The following ZBTB8A variants were observed in gnomAD, a reference collection of about 807,000 sequenced individuals.
ZBTB8A encodes zinc finger and BTB domain-containing protein 8A.
A neutral mutation model predicts 37.8 loss-of-function variants in ZBTB8A; 19 were observed. The observed-to-expected ratio is 0.50, with a 90% CI of 0.35 to 0.74. ZBTB8A has a LOEUF of 0.74. Ranked by LOEUF, ZBTB8A falls within the 30% of genes least tolerant of loss-of-function variation. The pLI is 0.01. For synonymous variants in ZBTB8A, 181 were observed against 185.2 expected (o/e 0.98, Z 0.19); for missense variants, 394 against 537.8 (o/e 0.73, Z 2.65).
intron 1 of ZBTB8A, among the ~76,000 whole-genome samples, chr1:32,545,688 TC>T (rs1157150152): frequency 1.3e-5 from 2 of 152,158 alleles, no homozygotes; most frequent in African/African-American, 2.4e-5. Context: ...ATAGCAAACT[TC>T]TTACCATCCC....
intron 1 of ZBTB8A, among the ~76,000 whole-genome samples, chr1:32,550,036 AC>A (rs1267002284): frequency 1.3e-5 from 2 of 152,174 alleles, no homozygotes; most frequent in Non-Finnish European, 2.9e-5. Flanking sequence ...TGGGAAATGT[AC>A]TTTTTAGTTT....
At chr1:32,587,955 C>T (rs1039867746) in intron 2 of ZBTB8A, among the ~76,000 whole-genome samples, 1 of 152,066 alleles carries the variant, frequency 6.6e-6, no homozygotes, top group Non-Finnish European at 1.5e-5. Flanking sequence ...CCATAAAACC[C>T]AAAAGGACTG....
chr1:32,562,562 C>A (rs1047613868), intron 2 of ZBTB8A, among the ~76,000 whole-genome samples: 2 of 143,978 alleles, frequency 1.4e-5, no homozygotes, highest in Non-Finnish European at 3.0e-5. Flanking sequence ...TGAGCCACCG[C>A]GTCCGGCTTT....
At chr1:32,594,832 T>G (rs1052592026) in intron 3 of ZBTB8A, among the ~76,000 whole-genome samples, 3 of 152,146 alleles carry the variant, frequency 2.0e-5, no homozygotes, top group African/African-American at 7.2e-5. Context: ...AATACCGAAG[T>G]TAAAGTTCCA....
intron 3 of ZBTB8A, among the ~76,000 whole-genome samples, 178 bp from the exon 4 acceptor site, chr1:32,594,875 TA>T (rs1397043450): frequency 6.6e-6 from 1 of 152,206 alleles, no homozygotes; most frequent in Non-Finnish European, 1.5e-5. Context: ...CTAGTCTTAA[TA>T]AAATTTCTTT....
In ZBTB8A at chr1:32,592,894, T is replaced by C. The variant is rs373421331; in HGVS notation, c.-1-37T>C. The C allele has an allele frequency of 1.7e-5, 25 of 1,495,920 alleles. 1 individual carries two copies. The highest frequency in any genetic ancestry group is 1.8e-6 in the Non-Finnish European group (2 of 1,102,690). The allele number at this position is 1,495,920 out of a possible 1,614,324, so 92.7% of individuals were successfully genotyped here. Reference sequence around the variant, plus strand: ...AAAACAAAATAAAATAATTGTAATGTAGGTTTTGGTAACCACATGTGTCTT... The same window carrying C: ...AAAACAAAATAAAATAATTGTAATGCAGGTTTTGGTAACCACATGTGTCTT... On this transcript the variant is annotated intron_variant, in intron 2 of 4. Transcript: ENST00000373510.
Position 32,578,070 on chromosome 1 carries a change from AT to A in ZBTB8A, c.-1-14854del, listed in dbSNP as rs540377417. Among the ~76,000 whole-genome samples, 15 of 150,264 alleles carry A rather than the reference AT, an allele frequency of 1.0e-4. No individual in the cohort carries two copies. In the East Asian group the frequency reaches 2.8e-3, roughly 28 times the overall value. On this transcript the variant is annotated intron_variant, in intron 2 of 4. Coordinates refer to ENST00000373510, the MANE Select transcript of ZBTB8A (RefSeq NM_001040441.3). Reference sequence around the variant, plus strand: ...AGGTGCGTGCCACCATCCCCAGCTAATTTTTTTGTTTGTTTGTTTTTTGAGA... The same window carrying A: ...AGGTGCGTGCCACCATCCCCAGCTAATTTTTTGTTTGTTTGTTTTTTGAGA...
chr1:32,557,896 T>C (rs559191319), intron 2 of ZBTB8A, among the ~76,000 whole-genome samples: 1 of 152,318 alleles, frequency 6.6e-6, no homozygotes, highest in African/African-American at 2.4e-5. Context: ...ACTGACTTCA[T>C]GCTCAGTGAG....
At chr1:32,546,926 G>C (rs932795713) in intron 1 of ZBTB8A, among the ~76,000 whole-genome samples, 1 of 152,008 alleles carries the variant, frequency 6.6e-6, no homozygotes, top group Non-Finnish European at 1.5e-5. Flanking sequence ...TTTTGAGACA[G>C]GGTCTTGCCC....
At chr1:32,589,701 C>T (rs748568190) in intron 2 of ZBTB8A, among the ~76,000 whole-genome samples, 2 of 151,698 alleles carry the variant, frequency 1.3e-5, no homozygotes, top group Non-Finnish European at 2.9e-5. Context: ...AGGTAGGCAC[C>T]GCCATGCCTG....
intron 2 of ZBTB8A, among the ~76,000 whole-genome samples, chr1:32,566,298 G>A (rs1644278822): frequency 6.6e-6 from 1 of 151,830 alleles, no homozygotes; most frequent in Non-Finnish European, 1.5e-5. Flanking sequence ...TGGATCACTT[G>A]AGCCCAGAGG....
chr1:32,577,586 C>CTTTTTTTTT (rs775868211), intron 2 of ZBTB8A, among the ~76,000 whole-genome samples: 6 of 86,760 alleles, frequency 6.9e-5, no homozygotes, highest in African/African-American at 9.6e-5. Context: ...ATATTGTATT[C>CTTTTTTTTT]TTTTTTTTTT....
chr1:32,542,927 G>A (rs758398475), intron 1 of ZBTB8A, among the ~76,000 whole-genome samples: 2 of 152,108 alleles, frequency 1.3e-5, no homozygotes, highest in Admixed American at 6.6e-5. Flanking sequence ...ATGCATTACC[G>A]ATTTCCATGA....
chr1:32,563,941 A>T (rs1212189691), intron 2 of ZBTB8A, among the ~76,000 whole-genome samples: 1 of 152,150 alleles, frequency 6.6e-6, no homozygotes, highest in Non-Finnish European at 1.5e-5. Flanking sequence ...CTTGCTTCTT[A>T]ATAATGTTAT....
intron 2 of ZBTB8A, among the ~76,000 whole-genome samples, chr1:32,582,538 C>T (rs1365127522): frequency 6.6e-6 from 1 of 151,966 alleles, no homozygotes; most frequent in Non-Finnish European, 1.5e-5. Context: ...ATCCCAGCTA[C>T]TTGGGAGGCT....
intron 4 of ZBTB8A, among the ~76,000 whole-genome samples, 163 bp from the exon 5 acceptor site, chr1:32,599,924 A>G (rs1337703139): frequency 6.6e-6 from 1 of 152,192 alleles, no homozygotes; most frequent in African/African-American, 2.4e-5. Flanking sequence ...TTTCTGTGAC[A>G]TCAATTCACC....
intron 2 of ZBTB8A, among the ~76,000 whole-genome samples, chr1:32,565,332 C>G (rs1024370221): frequency 9.9e-5 from 15 of 151,514 alleles, no homozygotes; most frequent in African/African-American, 2.2e-4. Context: ...TCCCCTCCCC[C>G]CAAAAAAAGA....
At chr1:32,599,189 T>G (rs1644554910) in intron 4 of ZBTB8A, among the ~76,000 whole-genome samples, 1 of 151,890 alleles carries the variant, frequency 6.6e-6, no homozygotes, top group African/African-American at 2.4e-5. Flanking sequence ...CAAGAGAGAT[T>G]GCACCCCCCG....
At chr1:32,589,041 A>G (rs1332167649) in intron 2 of ZBTB8A, among the ~76,000 whole-genome samples, 1 of 152,120 alleles carries the variant, frequency 6.6e-6, no homozygotes, top group Non-Finnish European at 1.5e-5. Context: ...TGGGTTGATC[A>G]AGAGAGACAG....
Sources: allele counts gnomAD v4.1 joint callset (sites outside exome capture counted in the v4.1 genomes callset), GRCh38; gene constraint gnomAD v4.1.1; transcripts MANE v1.5; gene names NCBI Gene and HGNC (gene_info 2026-07-23, HGNC 2026-07-21).